Variants in GRK3 observed in about 807,000 individuals in gnomAD.
GRK3 encodes G protein-coupled receptor kinase 3.
In GRK3, 54 loss-of-function variants were observed where a neutral mutation model predicts 95.7. The ratio of observed to expected loss-of-function variants is 0.56; its 90% CI spans 0.45 to 0.71. The LOEUF is 0.71. GRK3 is among the 30% of genes least tolerant of loss of function. The probability of loss-of-function intolerance (pLI) is 0.00; values close to 1 mark genes in which losing one functional copy is unlikely to be tolerated. For synonymous variants in GRK3, 281 were observed against 290.8 expected (o/e 0.97, Z 0.34); for missense variants, 649 against 851.2 (o/e 0.76, Z 2.96).
chr22:25,698,849 C>T (rs2085232829), intron 13 of GRK3, among the ~76,000 whole-genome samples: 1 of 152,134 alleles, frequency 6.6e-6, no homozygotes, highest in African/African-American at 2.4e-5. Context: ...GAGCAAATGA[C>T]ATGGCGGCAT....
chr22:25,702,854 T>C (rs1569203127), intron 13 of GRK3: 1 of 456,092 alleles, frequency 2.2e-6, no homozygotes, highest in East Asian at 6.9e-5. Context: ...GAAGAATTGA[T>C]ACTGAAGGTT....
At chr22:25,654,051 T>G (rs892092188) in intron 3 of GRK3, among the ~76,000 whole-genome samples, 63 of 152,338 alleles carry the variant, frequency 4.1e-4, no homozygotes, top group African/African-American at 1.4e-3. Flanking sequence ...AAAGGAAGCT[T>G]CTACAAATTT....
At chr22:25,647,376 C>T in intron 3 of GRK3, 2 of 1,302,112 alleles carry the variant, frequency 1.5e-6, no homozygotes, top group Non-Finnish European at 2.2e-6. Flanking sequence ...TGCAGTGTCA[C>T]CATGTCCATC....
At chr22:25,652,291 T>C (rs1030983903) in intron 3 of GRK3, among the ~76,000 whole-genome samples, 3 of 151,490 alleles carry the variant, frequency 2.0e-5, no homozygotes, top group African/African-American at 7.3e-5. Flanking sequence ...AACAGCCGGG[T>C]GTGGTGGCAG....
intron 1 of GRK3, among the ~76,000 whole-genome samples, chr22:25,596,024 T>C (rs1272549590): frequency 6.6e-6 from 1 of 152,182 alleles, no homozygotes; most frequent in African/African-American, 2.4e-5. Context: ...GGAAGATGAT[T>C]ACATGAAGGT....
At chr22:25,711,605 T>A (rs1015945423) in intron 17 of GRK3, among the ~76,000 whole-genome samples, 16 of 152,296 alleles carry the variant, frequency 1.1e-4, no homozygotes, top group Admixed American at 3.9e-4. Context: ...CTGTTTTTTT[T>A]AATACAATCC....
At chr22:25,665,428 A>G (rs1569184988) in intron 5 of GRK3, among the ~76,000 whole-genome samples, 2 of 152,234 alleles carry the variant, frequency 1.3e-5, no homozygotes, top group Non-Finnish European at 2.9e-5. Flanking sequence ...CCACTATAAC[A>G]TAAATAACAT....
chr22:25,643,974 G>A (rs1044417887), intron 2 of GRK3, among the ~76,000 whole-genome samples: 2 of 152,166 alleles, frequency 1.3e-5, no homozygotes, highest in African/African-American at 2.4e-5. Context: ...AGGCAAAGGT[G>A]TTTAAAGGTG....
At chr22:25,575,934 C>T (rs1931874863) in intron 1 of GRK3, among the ~76,000 whole-genome samples, 1 of 152,192 alleles carries the variant, frequency 6.6e-6, no homozygotes, top group African/African-American at 2.4e-5. Flanking sequence ...TTGTGAAACT[C>T]ACATAATCAG....
At chr22:25,575,038 C>T (rs1931843346) in intron 1 of GRK3, among the ~76,000 whole-genome samples, 1 of 152,176 alleles carries the variant, frequency 6.6e-6, no homozygotes, top group South Asian at 2.1e-4. Context: ...TGTTGTTTCT[C>T]TTCATCCCTC....
At chr22:25,661,327 T>C (rs2084907965) in intron 3 of GRK3, among the ~76,000 whole-genome samples, 2 of 152,210 alleles carry the variant, frequency 1.3e-5, no homozygotes, top group Admixed American at 6.5e-5. Context: ...TTTCCTAATA[T>C]TATGTTTCTA....
chr22:25,619,492 C>T (rs1030871515), intron 2 of GRK3, among the ~76,000 whole-genome samples: 2 of 151,970 alleles, frequency 1.3e-5, no homozygotes, highest in East Asian at 3.9e-4. Context: ...TTTTTGTTGT[C>T]GTTGTTTTCG....
chr22:25,600,433 C>T (rs754303229), intron 1 of GRK3, among the ~76,000 whole-genome samples: 2 of 152,160 alleles, frequency 1.3e-5, no homozygotes, highest in African/African-American at 2.4e-5. Flanking sequence ...AGCCGCCGTG[C>T]CTGGCCATGT....
At chr22:25,602,957 C>T (rs1056632020) in intron 1 of GRK3, among the ~76,000 whole-genome samples, 4 of 152,132 alleles carry the variant, frequency 2.6e-5, no homozygotes, top group Non-Finnish European at 4.4e-5. Context: ...CATTCTGTCC[C>T]CCAAGCTGGA....
intron 2 of GRK3, among the ~76,000 whole-genome samples, chr22:25,631,263 C>T (rs933751296): frequency 6.6e-6 from 1 of 152,086 alleles, no homozygotes; most frequent in Admixed American, 6.6e-5. Flanking sequence ...GTTGTGTATC[C>T]TGGACGTGTC....
At chr22:25,596,911 G>C (rs1048584553) in intron 1 of GRK3, among the ~76,000 whole-genome samples, 2 of 152,058 alleles carry the variant, frequency 1.3e-5, no homozygotes, top group African/African-American at 4.8e-5. Context: ...AGCACTTATA[G>C]TACCAGCATG....
At chr22:25,712,425 G>C (rs148223190) in intron 17 of GRK3, among the ~76,000 whole-genome samples, 1 of 152,216 alleles carries the variant, frequency 6.6e-6, no homozygotes, top group Non-Finnish European at 1.5e-5. Flanking sequence ...ATTTACAAAG[G>C]TATTTAAAAA....
At chr22:25,595,512 T>C (rs1370020957) in intron 1 of GRK3, among the ~76,000 whole-genome samples, 1 of 152,004 alleles carries the variant, frequency 6.6e-6, no homozygotes. Context: ...ATGCAAGATA[T>C]TAAAAATACA....
At chr22:25,655,053 C>T (rs1476644414) in intron 3 of GRK3, among the ~76,000 whole-genome samples, 1 of 152,138 alleles carries the variant, frequency 6.6e-6, no homozygotes, top group Non-Finnish European at 1.5e-5. Flanking sequence ...TCTCTGACCC[C>T]TCATTTTTGT....
Sources: gnomAD v4.1 joint callset for allele counts (sites outside exome capture counted in the v4.1 genomes callset) on GRCh38, gnomAD v4.1.1 for gene constraint, MANE v1.5 for transcripts, NCBI Gene and HGNC (gene_info 2026-07-23, HGNC 2026-07-21) for gene names.